Variants in RANBP1 observed in about 807,000 individuals in gnomAD.
RANBP1 encodes the protein RAN binding protein 1, also known as ran-specific GTPase-activating protein.
Under a neutral mutation model 31.4 loss-of-function variants are expected in RANBP1, and 16 were observed. The ratio of observed to expected loss-of-function variants is 0.51; its 90% CI spans 0.34 to 0.77. RANBP1 has a LOEUF of 0.77. RANBP1 is among the 30% of genes least tolerant of loss of function. RANBP1 has a pLI of 0.01. For missense variants in RANBP1, 265 were observed against 362.0 expected, an observed-to-expected ratio of 0.73 and a Z score of 2.17; for synonymous variants, 129 against 140.5, an observed-to-expected ratio of 0.92 and a Z score of 0.58.
chr22:20,120,250 C>A (rs1473902156), intron 2 of RANBP1, among the ~76,000 whole-genome samples: 1 of 152,220 alleles, frequency 6.6e-6, no homozygotes, highest in Non-Finnish European at 1.5e-5. Context: ...GTGTGTCACC[C>A]TTTGGTCACA....
Position 20,125,384 on chromosome 22 carries a change from C to T in RANBP1, c.618C>T (p.Ala206=), listed in dbSNP as rs141707281. Residue 206 remains alanine, a synonymous_variant, in exon 4 of 6, where the codon GCC becomes GCT. Transcript: ENST00000430524. ...AWVWNTHADF[A]DECPKPELLA... is the part of the protein sequence containing the mutation. ...TCTGGAACACCCACGCTGACTTCGC[C>T]GACGAGTGCCCCAAGCCAGAGCTGC... The T allele has an allele frequency of 3.8e-5, 61 of 1,611,372 alleles. No homozygotes were observed. In the African/African-American group the frequency reaches 4.9e-4, roughly 13 times the overall value.
intron 1 of RANBP1, chr22:20,117,861 G>T: frequency 9.8e-7 from 1 of 1,019,150 alleles, no homozygotes; most frequent in Non-Finnish European, 1.2e-6. Flanking sequence ...GCGTTTGGGG[G>T]TGCAGGCTCT....
intron 1 of RANBP1, chr22:20,118,347 G>T (rs989146167): frequency 1.0e-5 from 10 of 1,002,020 alleles, no homozygotes; most frequent in Non-Finnish European, 1.2e-5. Flanking sequence ...CCTAAAATAT[G>T]ATTATTGGTG....
intron 3 of RANBP1, among the ~76,000 whole-genome samples, chr22:20,123,702 A>ATGCCCTGT (rs2050237823): frequency 6.6e-6 from 1 of 152,016 alleles, no homozygotes; most frequent in Admixed American, 6.5e-5. Flanking sequence ...GGTTCAGCCA[A>ATGCCCTGT]GAGCTCCAGC....
At chr22:20,123,624 G>A (rs1309885231) in intron 3 of RANBP1, among the ~76,000 whole-genome samples, 1 of 151,974 alleles carries the variant, frequency 6.6e-6, no homozygotes, top group Non-Finnish European at 1.5e-5. Flanking sequence ...AACGGGAGGG[G>A]AACGGGGCTG....
intron 2 of RANBP1, among the ~76,000 whole-genome samples, chr22:20,119,810 C>T (rs1010360972): frequency 1.1e-4 from 16 of 152,186 alleles, no homozygotes; most frequent in East Asian, 1.9e-4. Context: ...CTACCGCGCC[C>T]GGCCCACCCT....
intron 3 of RANBP1, among the ~76,000 whole-genome samples, chr22:20,123,986 G>C (rs899958236): frequency 6.6e-6 from 1 of 152,116 alleles, no homozygotes; most frequent in Non-Finnish European, 1.5e-5. Context: ...ATGCAGAGGG[G>C]TGGGTGGTGG....
In RANBP1 at chr22:20,125,333, C is replaced by T. The variant is rs140344282; in HGVS notation, c.567C>T (p.Pro189=). The change falls in exon 4 of 6, where the codon CCC becomes CCT. Residue 189 remains proline (P), a synonymous_variant. Transcript: ENST00000430524. ...HYITPMMELK[P]NAGSDRAWVW... ...TCACGCCGATGATGGAGCTGAAGCC[C>T]AACGCAGGTAGCGACCGTGCCTGGG... 3 of 1,611,518 alleles carry T rather than the reference C, an allele frequency of 1.9e-6. No individual in the cohort carries two copies. The African/African-American group carries it at 4.0e-5, about 22-fold the overall frequency.
At chr22:20,125,491 G>A (rs764612218) in intron 4 of RANBP1, 55 bp downstream of exon 4, 7 of 1,557,962 alleles carry the variant, frequency 4.5e-6, no homozygotes, top group Middle Eastern at 1.7e-4. Context: ...GCGTGGCAGC[G>A]TGGCGGGTTA....
At chr22:20,118,726 T>C (rs2050108135) in intron 1 of RANBP1, among the ~76,000 whole-genome samples, 1 of 152,238 alleles carries the variant, frequency 6.6e-6, no homozygotes, top group African/African-American at 2.4e-5. Context: ...TGTTGGCGGC[T>C]TGTAGGGTCC....
At chr22:20,117,632 C>T (rs1410365729) in intron 1 of RANBP1, 3 of 1,253,404 alleles carry the variant, frequency 2.4e-6, no homozygotes, top group South Asian at 4.9e-5. Context: ...GCCGAGCCGC[C>T]GCCGCCGCCG....
chr22:20,126,794 A>AG, intron 5 of RANBP1, 158 bp from the exon 6 acceptor site: 1 of 1,338,662 alleles, frequency 7.5e-7, no homozygotes, highest in Non-Finnish European at 1.0e-6. Context: ...AATTTCAAGA[A>AG]GACAGACTCC....
intron 1 of RANBP1, among the ~76,000 whole-genome samples, chr22:20,118,746 C>T (rs1285128731): frequency 2.0e-5 from 3 of 152,226 alleles, no homozygotes; most frequent in Non-Finnish European, 4.4e-5. Context: ...CCCCATCAGT[C>T]TGTGCACAGA....
At chr22:20,116,931 C>T (rs1006278979) in intron 1 of RANBP1, 9 of 1,584,450 alleles carry the variant, frequency 5.7e-6, no homozygotes, top group Non-Finnish European at 6.9e-6. Context: ...TCCGCCTAGA[C>T]CAGGGACGCC....
Position 20,116,169 on chromosome 22 carries a change from T to G in RANBP1, c.-16T>G. 1 of 1,613,098 alleles carries G rather than the reference T, an allele frequency of 6.2e-7. No homozygotes were observed. Among genetic ancestry groups the G allele is most frequent in the African/African-American group, 1.3e-5 (1 of 75,078 alleles). On this transcript the variant is annotated 5_prime_UTR_variant, in exon 1 of 6. Transcript: ENST00000430524. Reference sequence around the variant, plus strand: ...CTGGTGGCTCACTCTCACCCTCCTGTCGCCTCCTCCTGGCCATGGGGTCGG... The same window carrying G: ...CTGGTGGCTCACTCTCACCCTCCTGGCGCCTCCTCCTGGCCATGGGGTCGG...
Position 20,119,031 on chromosome 22 carries a change from G to A in RANBP1, c.265G>A (p.Asp89Asn). 1 of 1,612,986 alleles carries A rather than the reference G, an allele frequency of 6.2e-7. No homozygotes were observed. The highest frequency in any genetic ancestry group is 8.5e-7 in the Non-Finnish European group (1 of 1,179,884). ...KISEDTHEDH[D>N]TSTENTDESN... ...TCCACAGGACACTCATGAGGACCAT[G>A]ATACTTCCACTGAGAATACAGACGA... The change falls in exon 2 of 6, where the codon GAT becomes AAT. Residue 89 changes from aspartate (D) to asparagine (N), a missense_variant. Asp to Asn is a conservative substitution (Grantham distance 23). This residue lies in a region of RANBP1 where 126 missense variants were observed against 123.6 expected (regional missense o/e 1.02). Transcript: ENST00000430524.
At chr22:20,125,537 G>T in intron 4 of RANBP1, 101 bp downstream of exon 4, 1 of 1,541,544 alleles carries the variant, frequency 6.5e-7, no homozygotes, top group Non-Finnish European at 8.7e-7. Context: ...GGGGAGAGGG[G>T]GCAGTAACTG....
In RANBP1 at chr22:20,116,236, C is replaced by T; in HGVS notation, c.52C>T (p.Gln18Ter). The change falls in exon 1 of 6, where the codon CAG becomes TAG. Residue 18 changes from glutamine to a stop codon, truncating the protein, a stop_gained. Transcript: ENST00000430524. LOFTEE classifies it high-confidence loss of function. ...ARRTLSGRPF[Q>*]RAPCKTRRAL... ...GCGCACACTGAGTGGGCGGCCTTTCCAGAGGGCACCATGCAAAACGCGCAG... is the reference window on the plus strand; with the variant it reads ...GCGCACACTGAGTGGGCGGCCTTTCTAGAGGGCACCATGCAAAACGCGCAG... 1 of 1,612,978 alleles carries T rather than the reference C, an allele frequency of 6.2e-7. No individual in the cohort carries two copies. Among genetic ancestry groups the T allele is most frequent in the Non-Finnish European group, 8.5e-7 (1 of 1,180,026 alleles).
chr22:20,117,625 G>C, intron 1 of RANBP1: 1 of 1,216,300 alleles, frequency 8.2e-7, no homozygotes, highest in Non-Finnish European at 1.0e-6. Flanking sequence ...CGACCCAGCC[G>C]AGCCGCCGCC....
Sources: gnomAD v4.1 joint callset for allele counts (sites outside exome capture counted in the v4.1 genomes callset) on GRCh38, gnomAD v4.1.1 for gene constraint, gnomAD v4.1.1 regional missense constraint, MANE v1.5 for transcripts, NCBI Gene and HGNC (gene_info 2026-07-23, HGNC 2026-07-21) for gene names.